The following PARN variants were observed in gnomAD, a reference collection of about 807,000 sequenced individuals.
PARN encodes poly(A)-specific ribonuclease PARN.
Under a neutral mutation model 102.8 loss-of-function variants are expected in PARN, and 71 were observed. The observed-to-expected ratio is 0.69, with a 90% CI of 0.57 to 0.84. The LOEUF is 0.84. Ranked by LOEUF, PARN falls within the 40% of genes least tolerant of loss-of-function variation. The pLI is 0.00. For synonymous variants in PARN, 261 were observed against 252.9 expected (o/e 1.03, Z -0.30); for missense variants, 782 against 760.9 (o/e 1.03, Z -0.33).
chr16:14,541,636 C>T (rs1311341830), intron 21 of PARN, among the ~76,000 whole-genome samples: 1 of 151,804 alleles, frequency 6.6e-6, no homozygotes, highest in African/African-American at 2.4e-5. Flanking sequence ...CTACCATGTC[C>T]AGATAATTTT....
intron 5 of PARN, among the ~76,000 whole-genome samples, chr16:14,618,651 T>G (rs1402448047): frequency 6.9e-6 from 1 of 144,206 alleles, no homozygotes; most frequent in Non-Finnish European, 1.5e-5. Flanking sequence ...AGAGCAAGAC[T>G]GTCTCAAAAA....
chr16:14,555,756 G>A (rs1370630159), intron 18 of PARN, 47 bp from the exon 19 acceptor site: 3 of 971,808 alleles, frequency 3.1e-6, no homozygotes, highest in Non-Finnish European at 3.0e-6. Flanking sequence ...TCCTTTAAAA[G>A]ACAGGCATTT....
intron 21 of PARN, among the ~76,000 whole-genome samples, chr16:14,485,037 CTG>C (rs995382626): frequency 6.6e-6 from 1 of 152,178 alleles, no homozygotes; most frequent in Non-Finnish European, 1.5e-5. Context: ...CTGGGCAACA[CTG>C]TGAGACCCCC....
chr16:14,446,643 G>A (rs761830205), intron 23 of PARN, among the ~76,000 whole-genome samples: 1 of 152,126 alleles, frequency 6.6e-6, no homozygotes, highest in Non-Finnish European at 1.5e-5. Context: ...AGGAGAGAGA[G>A]ATTACCAAAA....
intron 18 of PARN, among the ~76,000 whole-genome samples, chr16:14,559,107 A>G (rs1428271730): frequency 6.6e-6 from 1 of 152,030 alleles, no homozygotes; most frequent in Non-Finnish European, 1.5e-5. Flanking sequence ...TTATATTGCT[A>G]AAGTCATGGG....
intron 9 of PARN, 71 bp from the exon 10 acceptor site, chr16:14,606,597 A>T: frequency 1.3e-6 from 1 of 758,326 alleles, no homozygotes; most frequent in Non-Finnish European, 2.2e-6. Flanking sequence ...TTTTATAAGC[A>T]ACTATCCAGC....
chr16:14,571,184 G>C (rs1051463073), intron 18 of PARN, among the ~76,000 whole-genome samples: 1 of 151,998 alleles, frequency 6.6e-6, no homozygotes, highest in African/African-American at 2.4e-5. Flanking sequence ...AGGAGTTCAA[G>C]ACCAGCCTAG....
chr16:14,538,508 A>G (rs1265411608), intron 21 of PARN, among the ~76,000 whole-genome samples: 1 of 152,142 alleles, frequency 6.6e-6, no homozygotes, highest in Admixed American at 6.6e-5. Flanking sequence ...GGTGTCAGCC[A>G]CCACGCCTGG....
chr16:14,585,364 GTTTT>G (rs36030259), intron 14 of PARN, among the ~76,000 whole-genome samples: 44 of 121,104 alleles, frequency 3.6e-4, no homozygotes, highest in African/African-American at 9.1e-4. Context: ...CTATTTCTCT[GTTTT>G]TTTTTTTTTT....
intron 23 of PARN, among the ~76,000 whole-genome samples, chr16:14,439,340 C>G (rs1960845028): frequency 1.4e-5 from 2 of 140,444 alleles, no homozygotes; most frequent in Non-Finnish European, 3.0e-5. Context: ...CTACTGCATT[C>G]CAGCCTGGGT....
At chr16:14,584,294 A>T in intron 16 of PARN, 53 bp downstream of exon 16, 2 of 1,260,534 alleles carry the variant, frequency 1.6e-6, no homozygotes, top group Non-Finnish European at 1.2e-6. Flanking sequence ...TCTACAATAT[A>T]CATCAATAAT....
At chr16:14,616,337 C>T (rs1351202231) in intron 6 of PARN, among the ~76,000 whole-genome samples, 1 of 152,186 alleles carries the variant, frequency 6.6e-6, no homozygotes, top group East Asian at 1.9e-4. Flanking sequence ...GACACAATCC[C>T]TTCCTCAGGT....
chr16:14,590,285 A>C (rs560560053), intron 13 of PARN, among the ~76,000 whole-genome samples: 5 of 151,280 alleles, frequency 3.3e-5, no homozygotes, highest in African/African-American at 4.8e-5. Flanking sequence ...AAAAAAAAAA[A>C]AAAACAGAAG....
chr16:14,501,973 G>T (rs79353201), intron 21 of PARN, among the ~76,000 whole-genome samples: 1 of 152,180 alleles, frequency 6.6e-6, no homozygotes, highest in Admixed American at 6.5e-5. Context: ...ATGCTGTTTA[G>T]ATTATTTTTA....
rs944731425 is a variant in PARN at position 14,436,585 on chromosome 16, C to A, written c.*132G>T. 3.7e-5 allele frequency: 24 copies of A among 653,464 alleles called. 1 individual carries two copies. The Admixed American group carries it at 4.7e-4, about 13-fold the overall frequency. The allele number at this position is 653,464 out of a possible 1,614,324, so 40.5% of individuals were successfully genotyped here. On this transcript the variant is annotated 3_prime_UTR_variant, in exon 24 of 24. Transcript: ENST00000437198. ...AAAATAAAACCTGTTTTCTCCCCCC[C>A]AGGAGACAACTTGGTTTCCAACCCC...
intron 2 of PARN, 114 bp from the exon 3 acceptor site, chr16:14,628,365 G>T: frequency 1.6e-6 from 1 of 642,208 alleles, no homozygotes; most frequent in Middle Eastern, 2.7e-4. Flanking sequence ...TTACTTGGAA[G>T]CACTCCCTAA....
intron 22 of PARN, among the ~76,000 whole-genome samples, chr16:14,453,451 G>A: frequency 6.6e-6 from 1 of 151,900 alleles, no homozygotes; most frequent in East Asian, 1.9e-4. Context: ...TTTAAATTAG[G>A]GTATTATTTA....
At chr16:14,610,270 C>T (rs747165905) in intron 7 of PARN, among the ~76,000 whole-genome samples, 5 of 151,924 alleles carry the variant, frequency 3.3e-5, no homozygotes, top group African/African-American at 7.3e-5. Flanking sequence ...GCCAGGAGTT[C>T]GAGACCAGCG....
chr16:14,504,467 G>C (rs1964783779), intron 21 of PARN, among the ~76,000 whole-genome samples: 6 of 152,160 alleles, frequency 3.9e-5, no homozygotes, highest in Admixed American at 3.9e-4. Flanking sequence ...GCTGAGGCAG[G>C]AAAATAGCTT....
Sources: allele counts gnomAD v4.1 joint callset (sites outside exome capture counted in the v4.1 genomes callset), GRCh38; gene constraint gnomAD v4.1.1; transcripts MANE v1.5; gene names NCBI Gene and HGNC (gene_info 2026-07-23, HGNC 2026-07-21).